The following ZNF469 variants were observed in gnomAD, a reference collection of about 807,000 sequenced individuals.
The protein encoded by ZNF469 is zinc finger protein 469.
ZNF469 carries 1 observed loss-of-function variant against 1.0 expected under a neutral mutation model. The ratio of observed to expected loss-of-function variants is 1.00; its 90% CI spans 0.35 to 4.73. ZNF469 has a LOEUF of 4.73. Ranked by LOEUF, ZNF469 falls within the 30% of genes most tolerant of loss-of-function variation. The pLI, the probability that ZNF469 is intolerant of heterozygous loss-of-function variation, is 0.16. For missense variants in ZNF469, 6,100 were observed against 5,356.3 expected (o/e 1.14, Z -4.33); for synonymous variants, 2,703 against 2,363.4 (o/e 1.14, Z -4.17).
the ZNF469 span, among the ~76,000 whole-genome samples, chr16:88,183,967 T>G: frequency 6.6e-6 from 1 of 151,986 alleles, no homozygotes; most frequent in Admixed American, 6.5e-5. Context: ...GGGCTCTTCC[T>G]TGCCACCCCA....
the ZNF469 span, among the ~76,000 whole-genome samples, chr16:88,240,854 A>G: frequency 6.6e-6 from 1 of 152,094 alleles, no homozygotes; most frequent in East Asian, 1.9e-4. Flanking sequence ...AGCTGACGCC[A>G]GGGACCCTCA....
the ZNF469 span, among the ~76,000 whole-genome samples, chr16:88,250,937 G>A: frequency 2.6e-5 from 4 of 152,186 alleles, no homozygotes; most frequent in Non-Finnish European, 5.9e-5. Flanking sequence ...GAGTGCAGCG[G>A]CATGATCTCG....
In ZNF469 at chr16:88,437,846, C is replaced by A; in HGVS notation, c.10376C>A (p.Pro3459Gln). 1 of 1,539,994 alleles carries A rather than the reference C, an allele frequency of 6.5e-7. No individual in the cohort carries two copies. The highest frequency in any genetic ancestry group is 2.5e-5 in the East Asian group (1 of 40,544). Residue 3459 changes from proline (P) to glutamine (Q), a missense_variant, in exon 3 of 3, where the codon CCG becomes CAG. Pro to Gln is a moderately conservative substitution (Grantham distance 76). Transcript: ENST00000565624. ...AFRGVRRPGA[P>Q]GQKARALEGT... is the part of the protein sequence containing the mutation. ...CGCGGCGTGCGGAGGCCGGGAGCGC[C>A]GGGACAGAAGGCCCGGGCCCTCGAG...
chr16:88,177,035 G>T, the ZNF469 span, among the ~76,000 whole-genome samples: 2 of 152,276 alleles, frequency 1.3e-5, no homozygotes, highest in African/African-American at 4.8e-5. This position sits in a 1 kb window ranked among gnomAD's most constrained non-coding sequence, Gnocchi z 4.8. Context: ...AGGCAAAGGA[G>T]AAGGCACCCG....
chr16:88,113,949 G>A, the ZNF469 span, among the ~76,000 whole-genome samples: 166 of 152,300 alleles, frequency 1.1e-3, no homozygotes, highest in Non-Finnish European at 1.6e-3. Context: ...TGCCAGGGCC[G>A]CACTGGGCAG....
chr16:88,244,165 A>G, the ZNF469 span, among the ~76,000 whole-genome samples: 3 of 135,632 alleles, frequency 2.2e-5, no homozygotes, highest in South Asian at 5.1e-4. Context: ...GGATGTGTGG[A>G]TGGACAGATA....
the ZNF469 span, among the ~76,000 whole-genome samples, chr16:88,149,996 G>T: frequency 2.0e-5 from 3 of 152,192 alleles, no homozygotes; most frequent in Admixed American, 2.0e-4. Flanking sequence ...CAGCCCCCCA[G>T]CACATCACTG....
At position 88,395,464 on chromosome 16, in the gene ZNF469, C is replaced by T. The variant is rs575717248; in HGVS notation, c.-192+12210C>T. Among the ~76,000 whole-genome samples, 359 of 152,036 alleles carry T rather than the reference C, an allele frequency of 2.4e-3. 2 individuals carry two copies. Among genetic ancestry groups the T allele is most frequent in the African/African-American group, 8.3e-3 (345 of 41,438 alleles). On this transcript the variant is annotated intron_variant, in intron 1 of 2. Transcript: ENST00000565624. ...TACTTATGTAACATTGTATGTTACACGTATTGTATAAATAATATATAATTG... is the reference window on the plus strand; with the variant it reads ...TACTTATGTAACATTGTATGTTACATGTATTGTATAAATAATATATAATTG...
the ZNF469 span, among the ~76,000 whole-genome samples, chr16:88,174,555 T>G: frequency 7.0e-6 from 1 of 143,428 alleles, no homozygotes; most frequent in East Asian, 2.1e-4. Context: ...GGGTTTGAAC[T>G]GCAGGGTCCA....
the ZNF469 span, among the ~76,000 whole-genome samples, chr16:88,215,740 A>G: frequency 6.6e-6 from 1 of 151,676 alleles, no homozygotes; most frequent in African/African-American, 2.4e-5. Flanking sequence ...ATTTCCCTTT[A>G]TTAACTTTTG....
At chr16:88,116,653 A>AACAGAC in the ZNF469 span, among the ~76,000 whole-genome samples, 1 of 152,348 alleles carries the variant, frequency 6.6e-6, no homozygotes, top group Non-Finnish European at 1.5e-5. Context: ...CGTGAAAACA[A>AACAGAC]ACAGACCAGC....
At chr16:88,127,054 C>T in the ZNF469 span, among the ~76,000 whole-genome samples, 3 of 152,184 alleles carry the variant, frequency 2.0e-5, no homozygotes, top group Admixed American at 6.5e-5. Context: ...AACTCCTGAC[C>T]TCAGGTGATC....
the ZNF469 span, among the ~76,000 whole-genome samples, chr16:88,195,730 G>A: frequency 1.2e-4 from 18 of 152,356 alleles, no homozygotes; most frequent in South Asian, 3.7e-3. Context: ...GGTGTCCCGA[G>A]ATGCAAAGGA....
chr16:88,123,298 G>T, the ZNF469 span, among the ~76,000 whole-genome samples: 14 of 152,176 alleles, frequency 9.2e-5, no homozygotes, highest in African/African-American at 3.4e-4. Context: ...ACCCAGCGGA[G>T]CATCGAGGTT....
At chr16:88,151,367 G>C in the ZNF469 span, among the ~76,000 whole-genome samples, 1 of 152,244 alleles carries the variant, frequency 6.6e-6, no homozygotes, top group African/African-American at 2.4e-5. The surrounding 1 kb of genome is among the most constrained non-coding windows in gnomAD (Gnocchi z 5.4). Context: ...TTAAAACACG[G>C]AAGCCGGGGA....
rs1242043500 is a variant in ZNF469, at chr16:88,435,950, C to G, written c.8480C>G (p.Thr2827Ser). Residue 2827 changes from threonine (T) to serine (S), a missense_variant, in exon 3 of 3, where the codon ACC becomes AGC. Coordinates refer to ENST00000565624, the MANE Select transcript of ZNF469 (RefSeq NM_001367624.2). Reference protein sequence around the residue: ...CLQGLPDNPDTQGGVQGPEGP... With the variant: ...CLQGLPDNPDSQGGVQGPEGP... ...CAGGGCCTCCCGGACAACCCAGACACCCAGGGTGGAGTCCAGGGGCCTGAA... is the reference window on the plus strand; with the variant it reads ...CAGGGCCTCCCGGACAACCCAGACAGCCAGGGTGGAGTCCAGGGGCCTGAA... 1.3e-6 allele frequency: 2 copies of G among 1,550,164 alleles called. No homozygotes were observed. Among genetic ancestry groups the G allele is most frequent in the Admixed American group, 3.9e-5 (2 of 51,010 alleles).
chr16:88,431,117 G>T lies in ZNF469; in HGVS notation c.3647G>T (p.Arg1216Leu). 2 of 1,550,024 alleles carry T rather than the reference G, an allele frequency of 1.3e-6. No homozygotes were observed. Among genetic ancestry groups the T allele is most frequent in the Admixed American group, 2.0e-5 (1 of 50,982 alleles). Residue 1216 changes from arginine to leucine, a missense_variant, in exon 3 of 3, where the codon CGC (arginine) becomes CTC (leucine). Coordinates refer to ENST00000565624, the MANE Select transcript of ZNF469 (RefSeq NM_001367624.2). ...AACACCGAGACCTCAGAGGAAACCC[G>T]CCCGTCGCTGGACTTTCCCCAGGAG... ...PTNTETSEET[R>L]PSLDFPQEAK...
At chr16:88,193,129 GTGA>G in the ZNF469 span, among the ~76,000 whole-genome samples, 5 of 23,508 alleles carry the variant, frequency 2.1e-4, 1 homozygote, top group Admixed American at 9.9e-4. Context: ...GGTGGTGGTG[GTGA>G]TGGTGGTGAT....
At chr16:88,416,846 G>T (rs767918454) in intron 1 of ZNF469, among the ~76,000 whole-genome samples, 3 of 152,210 alleles carry the variant, frequency 2.0e-5, no homozygotes, top group Admixed American at 2.0e-4. Flanking sequence ...CTCGCTCCCC[G>T]GGAGGGGTAC....
Sources: allele counts gnomAD v4.1 joint callset (sites outside exome capture counted in the v4.1 genomes callset), GRCh38; gene constraint gnomAD v4.1.1; non-coding constraint Gnocchi (gnomAD v3.1); transcripts MANE v1.5; gene names NCBI Gene and HGNC (gene_info 2026-07-23, HGNC 2026-07-21).